The following ZNF461 variants were observed in gnomAD, a reference collection of about 807,000 sequenced individuals.
The protein encoded by ZNF461 is gonadotropin-inducible ovarian transcription factor-1.
A neutral mutation model predicts 18.3 loss-of-function variants in ZNF461; 16 were observed. The ratio of observed to expected loss-of-function variants is 0.88; its 90% CI spans 0.59 to 1.33. ZNF461 has a LOEUF of 1.33. Ranked by LOEUF, ZNF461 falls within the 40% of genes most tolerant of loss-of-function variation. The pLI is 0.00. For missense variants in ZNF461, 595 were observed against 669.9 expected (o/e 0.89, Z 1.23); for synonymous variants, 179 against 216.9 (o/e 0.83, Z 1.54).
chr19:36,665,708 C>CAAAA lies in ZNF461; in HGVS notation c.-80-926_-80-923dup, dbSNP rs750223990. Among the ~76,000 whole-genome samples, 137 of 77,820 alleles carry CAAAA rather than the reference C, an allele frequency of 1.8e-3. 3 individuals are homozygous for CAAAA. The highest frequency in any genetic ancestry group is 2.6e-3 in the Non-Finnish European group (105 of 40,544). 51.1% of individuals were successfully genotyped at this position (77,820 alleles called of 152,430 possible). A position where few individuals can be genotyped will look rare whatever the true frequency, so the allele number is the denominator to read the frequency against. ...ACGGTGAAAGAGAGAAACTTCGTCT[C>CAAAA]AAAAAAAAAAAAAAAAAAAGGAAGT... On this transcript the variant is annotated intron_variant, in intron 1 of 5. Transcript: ENST00000588268.
chr19:36,652,859 G>A (rs2145395605), intron 4 of ZNF461, among the ~76,000 whole-genome samples: 1 of 152,156 alleles, frequency 6.6e-6, no homozygotes, highest in South Asian at 2.1e-4. Context: ...TCCAACAAAG[G>A]CATTCTGTCT....
Position 36,638,519 on chromosome 19 carries a change from A to T in ZNF461, c.*134T>A. On this transcript the variant is annotated 3_prime_UTR_variant, in exon 6 of 6. Transcript: ENST00000588268. ...AAAATGAGACCAAAATTTACACTTTAGTTATCCACTTTCTCACTTAAAAAC... is the reference window on the plus strand; with the variant it reads ...AAAATGAGACCAAAATTTACACTTTTGTTATCCACTTTCTCACTTAAAAAC... The T allele has an allele frequency of 2.9e-6, 2 of 678,302 alleles. No individual in the cohort carries two copies. The highest frequency in any genetic ancestry group is 2.3e-6 in the Non-Finnish European group (1 of 431,048). 42.0% of individuals were successfully genotyped at this position (678,302 alleles called of 1,614,324 possible). A position where few individuals can be genotyped will look rare whatever the true frequency, so the allele number is the denominator to read the frequency against.
At chr19:36,660,148 C>CTTTTTT (rs35264079) in intron 2 of ZNF461, among the ~76,000 whole-genome samples, 1 of 118,538 alleles carries the variant, frequency 8.4e-6, no homozygotes, top group Non-Finnish European at 1.7e-5. Context: ...TCTCTAAAAT[C>CTTTTTT]TTTTTTTTTT....
chr19:36,644,304 T>C (rs1600418551), intron 4 of ZNF461, among the ~76,000 whole-genome samples: 1 of 152,134 alleles, frequency 6.6e-6, no homozygotes, highest in African/African-American at 2.4e-5. Flanking sequence ...AGTCTCGCTC[T>C]GTCCCCCGGG....
intron 2 of ZNF461, 196 bp from the exon 3 acceptor site, chr19:36,658,621 C>T: frequency 2.2e-6 from 1 of 445,548 alleles, no homozygotes; most frequent in Non-Finnish European, 3.9e-6. Flanking sequence ...AATTCATTTT[C>T]TGCAGACACA....
chr19:36,655,996 C>CTTTTTT (rs781044041), intron 4 of ZNF461, among the ~76,000 whole-genome samples: 1 of 130,486 alleles, frequency 7.7e-6, no homozygotes, highest in Non-Finnish European at 1.6e-5. Flanking sequence ...TTTAGAATAT[C>CTTTTTT]TTTTTTTTTT....
chr19:36,653,136 T>G (rs950829081), intron 4 of ZNF461, among the ~76,000 whole-genome samples: 1 of 152,212 alleles, frequency 6.6e-6, no homozygotes, highest in Non-Finnish European at 1.5e-5. Flanking sequence ...CATTGCCAGT[T>G]AAGAATGTAA....
In ZNF461 at chr19:36,658,325, T is replaced by C. The variant is rs1041305617; in HGVS notation, c.110A>G (p.Glu37Gly). Residue 37 changes from glutamate to glycine, a missense_variant, in exon 3 of 6, where the codon GAG becomes GGG. Transcript: ENST00000588268. ...AAGTGACACCAAGTTGCTATAATTC[T>C]CCAACATCACCTCCTTGTACAAATT... Reference protein sequence around the residue: ...QRNLYKEVMLENYSNLVSLGL... With the variant: ...QRNLYKEVMLGNYSNLVSLGL... 6.2e-7 allele frequency: 1 copy of C among 1,610,174 alleles called. No individual in the cohort carries two copies. The highest frequency in any genetic ancestry group is 8.5e-7 in the Non-Finnish European group (1 of 1,178,018).
intron 4 of ZNF461, among the ~76,000 whole-genome samples, chr19:36,647,816 A>G (rs187189413): frequency 2.4e-3 from 365 of 152,220 alleles, no homozygotes; most frequent in Non-Finnish European, 4.2e-3. Flanking sequence ...CGGTTTTCTC[A>G]TAAATGGTTT....
chr19:36,659,455 A>G (rs1453709540), intron 2 of ZNF461, among the ~76,000 whole-genome samples: 2 of 152,206 alleles, frequency 1.3e-5, no homozygotes, highest in Non-Finnish European at 2.9e-5. Context: ...TAACATTTTT[A>G]AGAGACAGGG....
chr19:36,638,715 G>T lies in ZNF461; in HGVS notation c.1630C>A (p.His544Asn), dbSNP rs761788940. ...RLQLNLHQTL[H>N]TGEKPVRFPL... ...AACCTGACTGGCTTCTCGCCAGTATGAAGAGTCTGATGTAAGTTAAGTTGT... is the reference window on the plus strand; with the variant it reads ...AACCTGACTGGCTTCTCGCCAGTATTAAGAGTCTGATGTAAGTTAAGTTGT... Residue 544 changes from histidine to asparagine, a missense_variant, in exon 6 of 6, where the codon CAT becomes AAT. Coordinates refer to ENST00000588268, the MANE Select transcript of ZNF461 (RefSeq NM_153257.5). 6.2e-7 allele frequency: 1 copy of T among 1,613,838 alleles called. No individual in the cohort carries two copies. Among genetic ancestry groups the T allele is most frequent in the South Asian group, 1.1e-5 (1 of 91,072 alleles).
chr19:36,656,955 G>A (rs2037732969), intron 3 of ZNF461, among the ~76,000 whole-genome samples: 1 of 151,832 alleles, frequency 6.6e-6, no homozygotes, highest in African/African-American at 2.4e-5. Context: ...AAGTAGCTGG[G>A]ATTATAGGCG....
chr19:36,658,701 CAATTA>C (rs1276312533), intron 2 of ZNF461: 1 of 304,842 alleles, frequency 3.3e-6, no homozygotes, highest in East Asian at 5.5e-5. Flanking sequence ...TAGAGGCTCC[CAATTA>C]AATTAAATAG....
At chr19:36,641,553 T>A (rs1019934753) in intron 5 of ZNF461, among the ~76,000 whole-genome samples, 8 of 133,916 alleles carry the variant, frequency 6.0e-5, no homozygotes, top group Admixed American at 7.4e-5. Context: ...TATATATATA[T>A]AATATATATA....
In ZNF461 at chr19:36,640,051, A is replaced by T; in HGVS notation, c.302-8T>A. 1 of 1,588,824 alleles carries T rather than the reference A, an allele frequency of 6.3e-7. No individual in the cohort carries two copies. Among genetic ancestry groups the T allele is most frequent in the Non-Finnish European group, 8.6e-7 (1 of 1,169,258 alleles). On this transcript the variant is annotated splice_region_variant and splice_polypyrimidine_tract_variant and intron_variant, in intron 5 of 5. Coordinates refer to ENST00000588268, the MANE Select transcript of ZNF461 (RefSeq NM_153257.5). ...CATCTCTGGATGCCAAGTCTGAAAG[A>T]TAAGAAATATATTTTAACTCCTGGT...
At chr19:36,641,206 T>A (rs1417149146) in intron 5 of ZNF461, among the ~76,000 whole-genome samples, 1 of 152,152 alleles carries the variant, frequency 6.6e-6, no homozygotes, top group Non-Finnish European at 1.5e-5. Flanking sequence ...CTACTGGAAT[T>A]ACATATTCAT....
intron 2 of ZNF461, among the ~76,000 whole-genome samples, chr19:36,661,228 T>C (rs2037813715): frequency 6.6e-6 from 1 of 151,440 alleles, no homozygotes; most frequent in Non-Finnish European, 1.5e-5. Context: ...CAATAAGCTA[T>C]GATGACACCA....
chr19:36,664,812 A>G, intron 1 of ZNF461, 26 bp from the exon 2 acceptor site: 1 of 872,162 alleles, frequency 1.1e-6, no homozygotes, highest in Non-Finnish European at 1.7e-6. Flanking sequence ...GTTAAAAAAA[A>G]GACAGGAGAT....
intron 5 of ZNF461, among the ~76,000 whole-genome samples, chr19:36,640,535 C>T: frequency 6.6e-6 from 1 of 152,222 alleles, no homozygotes; most frequent in East Asian, 1.9e-4. Flanking sequence ...AGCTCTTTCA[C>T]AGCTGAGAAT....
Sources: allele counts gnomAD v4.1 joint callset (sites outside exome capture counted in the v4.1 genomes callset), GRCh38; gene constraint gnomAD v4.1.1; transcripts MANE v1.5; gene names NCBI Gene and HGNC (gene_info 2026-07-23, HGNC 2026-07-21).